Variants in PLA2G4A observed in about 807,000 individuals in gnomAD.
PLA2G4A encodes the protein cytosolic phospholipase A2.
PLA2G4A carries 40 observed loss-of-function variants against 81.9 expected under a neutral mutation model. The observed-to-expected ratio is 0.49, with a 90% CI of 0.38 to 0.64. PLA2G4A has a LOEUF of 0.64. Among genes scored for constraint, PLA2G4A ranks in the 30% least tolerant of loss-of-function variants. The pLI is 0.00. For synonymous variants in PLA2G4A, 302 were observed against 296.9 expected (o/e 1.02, Z -0.18); for missense variants, 715 against 905.1 (o/e 0.79, Z 2.69).
chr1:186,971,809 T>C (rs1298140159), intron 15 of PLA2G4A, among the ~76,000 whole-genome samples: 1 of 152,024 alleles, frequency 6.6e-6, no homozygotes, highest in Non-Finnish European at 1.5e-5. Flanking sequence ...GCGAGGAGTC[T>C]ACATAAAGTT....
At chr1:186,950,960 G>C (rs923807235) in intron 13 of PLA2G4A, among the ~76,000 whole-genome samples, 2 of 152,096 alleles carry the variant, frequency 1.3e-5, no homozygotes, top group Non-Finnish European at 2.9e-5. Flanking sequence ...ACTATAAGTT[G>C]AACAAATGAA....
chr1:186,857,535 TATA>T (rs1652633640), intron 2 of PLA2G4A, among the ~76,000 whole-genome samples: 1 of 140,600 alleles, frequency 7.1e-6, no homozygotes, highest in Non-Finnish European at 1.5e-5. Flanking sequence ...AACTATAGAA[TATA>T]ATATGAATAT....
intron 3 of PLA2G4A, among the ~76,000 whole-genome samples, chr1:186,880,306 A>G (rs1033881831): frequency 6.6e-6 from 1 of 152,042 alleles, no homozygotes; most frequent in Non-Finnish European, 1.5e-5. Flanking sequence ...ATTTTGGAAA[A>G]GAAAATCATA....
At chr1:186,919,299 G>C (rs576131281) in intron 7 of PLA2G4A, among the ~76,000 whole-genome samples, 1 of 152,306 alleles carries the variant, frequency 6.6e-6, no homozygotes, top group East Asian at 1.9e-4. Flanking sequence ...TCTGGTTCCA[G>C]GTTCCGGTAG....
chr1:186,938,876 A>T, intron 8 of PLA2G4A, 132 bp from the exon 9 acceptor site: 1 of 683,838 alleles, frequency 1.5e-6, no homozygotes, highest in Non-Finnish European at 2.7e-6. Context: ...AAATGTTTTA[A>T]TATCTGCAAT....
intron 17 of PLA2G4A, among the ~76,000 whole-genome samples, chr1:186,982,794 T>G (rs1183335163): frequency 2.0e-5 from 3 of 152,114 alleles, no homozygotes; most frequent in Non-Finnish European, 2.9e-5. Flanking sequence ...AACACATTTT[T>G]GGGGCCGGGC....
intron 2 of PLA2G4A, among the ~76,000 whole-genome samples, chr1:186,854,994 G>C (rs1227098816): frequency 1.3e-5 from 2 of 151,828 alleles, no homozygotes; most frequent in African/African-American, 4.8e-5. Flanking sequence ...AGTAGATAAA[G>C]GTTTTATGGA....
At chr1:186,931,917 C>T (rs1655760234) in intron 7 of PLA2G4A, among the ~76,000 whole-genome samples, 1 of 152,142 alleles carries the variant, frequency 6.6e-6, no homozygotes, top group South Asian at 2.1e-4. Context: ...TCTGACCACC[C>T]ACCTTCCTCT....
chr1:186,914,451 G>A (rs1226181089), intron 7 of PLA2G4A, among the ~76,000 whole-genome samples: 1 of 149,290 alleles, frequency 6.7e-6, no homozygotes, highest in Non-Finnish European at 1.5e-5. Context: ...CGGGAGCATC[G>A]GCAAGACTCC....
chr1:186,888,910 T>C (rs1379239949), intron 3 of PLA2G4A, among the ~76,000 whole-genome samples: 1 of 152,170 alleles, frequency 6.6e-6, no homozygotes, highest in Non-Finnish European at 1.5e-5. Context: ...TGTAGGGCTA[T>C]GTTTTGTAAC....
intron 2 of PLA2G4A, among the ~76,000 whole-genome samples, chr1:186,868,137 G>A (rs970843718): frequency 4.2e-5 from 6 of 144,004 alleles, no homozygotes; most frequent in African/African-American, 7.8e-5. Flanking sequence ...GTGCAATGGC[G>A]CTATCTTGCT....
At chr1:186,925,995 G>A (rs537177611) in intron 7 of PLA2G4A, among the ~76,000 whole-genome samples, 1 of 152,160 alleles carries the variant, frequency 6.6e-6, no homozygotes, top group Non-Finnish European at 1.5e-5. Flanking sequence ...GAGTAAATTT[G>A]CTAGAGAGAG....
intron 2 of PLA2G4A, among the ~76,000 whole-genome samples, chr1:186,870,025 G>T (rs1653195441): frequency 6.6e-6 from 1 of 152,180 alleles, no homozygotes; most frequent in Admixed American, 6.5e-5. Flanking sequence ...ATGCAGAAAA[G>T]ACTTTTGATT....
At chr1:186,900,328 C>T (rs760329262) in intron 5 of PLA2G4A, among the ~76,000 whole-genome samples, 12 of 152,138 alleles carry the variant, frequency 7.9e-5, no homozygotes, top group Admixed American at 2.0e-4. Context: ...TAGGTTAATG[C>T]GTAAAACATA....
At chr1:186,890,851 CAAA>C (rs11390247) in intron 3 of PLA2G4A, among the ~76,000 whole-genome samples, 6 of 130,698 alleles carry the variant, frequency 4.6e-5, no homozygotes, top group Non-Finnish European at 8.2e-5. Flanking sequence ...GACTCTGTCT[CAAA>C]AAAAAAAAAA....
At chr1:186,921,808 C>A (rs1386447190) in intron 7 of PLA2G4A, among the ~76,000 whole-genome samples, 1 of 152,094 alleles carries the variant, frequency 6.6e-6, no homozygotes, top group Non-Finnish European at 1.5e-5. Flanking sequence ...AACTAACTGT[C>A]CCTTTGCTAC....
intron 14 of PLA2G4A, 141 bp from the exon 15 acceptor site, chr1:186,965,268 T>G: frequency 1.5e-6 from 1 of 669,938 alleles, no homozygotes; most frequent in South Asian, 1.7e-5. Context: ...AAAGTTGGTT[T>G]CATGCCCAGC....
At chr1:186,941,647 A>G (rs1198317459) in intron 10 of PLA2G4A, among the ~76,000 whole-genome samples, 1 of 152,192 alleles carries the variant, frequency 6.6e-6, no homozygotes, top group Non-Finnish European at 1.5e-5. Flanking sequence ...ATTTTACCAT[A>G]CTAACTTCTG....
intron 1 of PLA2G4A, among the ~76,000 whole-genome samples, chr1:186,833,700 A>G (rs946940090): frequency 1.3e-5 from 2 of 152,194 alleles, no homozygotes; most frequent in African/African-American, 2.4e-5. Context: ...TTCTTAGTGC[A>G]AATCTTACAA....
Sources: allele counts gnomAD v4.1 joint callset (sites outside exome capture counted in the v4.1 genomes callset), GRCh38; gene constraint gnomAD v4.1.1; transcripts MANE v1.5; gene names NCBI Gene and HGNC (gene_info 2026-07-23, HGNC 2026-07-21).